Variants in ANK2 observed in about 807,000 individuals in gnomAD.
ANK2 encodes ankyrin 2, also known as ankyrin-2.
A neutral mutation model predicts 360.5 loss-of-function variants in ANK2; 83 were observed. The ratio of observed to expected loss-of-function variants is 0.23; its 90% CI spans 0.19 to 0.28. The LOEUF (loss-of-function observed/expected upper bound fraction) is 0.28. Among genes scored for constraint, ANK2 ranks in the 10% least tolerant of loss-of-function variants. The pLI is 1.00. For synonymous variants in ANK2, 1,740 were observed against 1,759.5 expected (o/e 0.99, Z 0.28); for missense variants, 4,201 against 4,795.7 (o/e 0.88, Z 3.66).
chr4:113,375,325 A>G (rs2096886853), intron 45 of ANK2, among the ~76,000 whole-genome samples: 2 of 152,228 alleles, frequency 1.3e-5, no homozygotes, highest in African/African-American at 2.4e-5. Context: ...AGTCTTTTCA[A>G]ATATAATCTG....
At chr4:112,706,403 C>A in the ANK2 span, among the ~76,000 whole-genome samples, 2 of 152,172 alleles carry the variant, frequency 1.3e-5, no homozygotes, top group Non-Finnish European at 2.9e-5. Context: ...CACACACAGA[C>A]ACACATACAG....
chr4:112,728,850 C>T, the ANK2 span, among the ~76,000 whole-genome samples: 2 of 152,120 alleles, frequency 1.3e-5, no homozygotes, highest in African/African-American at 4.8e-5. Flanking sequence ...TTTAAAATAA[C>T]AACTGTTGGT....
intron 1 of ANK2, chr4:113,107,012 C>T (rs13134980): frequency 0.47 from 227,023 of 478,782 alleles, 54,967 homozygotes; most frequent in Admixed American, 0.59. Flanking sequence ...GGTGATTGTT[C>T]TTTGTTGTGT....
intron 1 of ANK2, among the ~76,000 whole-genome samples, chr4:112,884,084 C>T (rs1453733245): frequency 1.3e-5 from 2 of 151,930 alleles, no homozygotes; most frequent in Non-Finnish European, 2.9e-5. Context: ...TCAATCAATA[C>T]TTTTGATAAG....
At chr4:112,744,549 G>A in the ANK2 span, among the ~76,000 whole-genome samples, 1 of 151,212 alleles carries the variant, frequency 6.6e-6, no homozygotes, top group African/African-American at 2.4e-5. Context: ...GGGGTTTTAC[G>A]ATGTTGGCCA....
chr4:113,166,693 T>G (rs577194399), intron 1 of ANK2, among the ~76,000 whole-genome samples: 9 of 152,118 alleles, frequency 5.9e-5, no homozygotes, highest in African/African-American at 2.2e-4. Flanking sequence ...GAAAAGTAAA[T>G]GCCATAAAAA....
intron 1 of ANK2, among the ~76,000 whole-genome samples, chr4:112,876,480 C>CA (rs745846289): frequency 6.1e-5 from 9 of 148,732 alleles, no homozygotes; most frequent in Middle Eastern, 3.4e-3. Flanking sequence ...ATGGAAAAAG[C>CA]AAAAAAAAAG....
At chr4:112,883,018 C>CTT (rs536262490) in intron 1 of ANK2, among the ~76,000 whole-genome samples, 2 of 30,500 alleles carry the variant, frequency 6.6e-5, no homozygotes, top group Admixed American at 5.6e-4. Flanking sequence ...CTTGGTTAGT[C>CTT]TTTTTTTTTT....
intron 2 of ANK2, among the ~76,000 whole-genome samples, chr4:113,031,769 TCTC>T (rs2060464088): frequency 6.6e-6 from 1 of 151,934 alleles, no homozygotes; most frequent in Non-Finnish European, 1.5e-5. Flanking sequence ...GAACACCTCT[TCTC>T]CTATTATTTA....
chr4:113,071,083 C>T (rs1205593583), intron 1 of ANK2, among the ~76,000 whole-genome samples: 1 of 152,138 alleles, frequency 6.6e-6, no homozygotes, highest in East Asian at 1.9e-4. Context: ...AGTCTGGGTT[C>T]ATTTTAAATT....
chr4:112,742,271 CAAAATAAAATACT>C, the ANK2 span, among the ~76,000 whole-genome samples: 2 of 152,014 alleles, frequency 1.3e-5, no homozygotes, highest in Non-Finnish European at 2.9e-5. Flanking sequence ...TGTCTCAGAA[CAAAATAAAATACT>C]AAAATAAAAT....
chr4:112,970,283 T>G (rs1228228622), intron 2 of ANK2, among the ~76,000 whole-genome samples: 1 of 152,094 alleles, frequency 6.6e-6, no homozygotes, highest in Admixed American at 6.6e-5. Flanking sequence ...CATATAAATT[T>G]AAGAGTAACA....
intron 2 of ANK2, among the ~76,000 whole-genome samples, chr4:112,974,023 T>A (rs972240931): frequency 3.3e-5 from 5 of 152,210 alleles, no homozygotes; most frequent in Non-Finnish European, 7.3e-5. Flanking sequence ...ACACATAAAT[T>A]GTTTGCAGCA....
intron 39 of ANK2, 121 bp downstream of exon 39, chr4:113,361,018 A>G (rs1190265263): frequency 1.1e-6 from 1 of 921,176 alleles, no homozygotes; most frequent in African/African-American, 1.6e-5. Flanking sequence ...AAAGAAGAAT[A>G]AACTAAGAAC....
chr4:112,834,297 C>T (rs2060517998), intron 1 of ANK2, among the ~76,000 whole-genome samples: 1 of 152,090 alleles, frequency 6.6e-6, no homozygotes, highest in Non-Finnish European at 1.5e-5. Flanking sequence ...AGAGAAGCAT[C>T]TTGAAATATT....
At chr4:112,776,767 AT>A in the ANK2 span, among the ~76,000 whole-genome samples, 1 of 152,248 alleles carries the variant, frequency 6.6e-6, no homozygotes, top group Non-Finnish European at 1.5e-5. Flanking sequence ...TTAAGTAGGC[AT>A]CTATCAGGGA....
intron 2 of ANK2, among the ~76,000 whole-genome samples, chr4:113,017,904 T>G (rs182664803): frequency 6.6e-6 from 1 of 152,318 alleles, no homozygotes; most frequent in Non-Finnish European, 1.5e-5. Context: ...TCCTCTGATA[T>G]TGAAAACATT....
chr4:112,938,418 A>G (rs1236240114), intron 2 of ANK2, among the ~76,000 whole-genome samples: 2 of 152,156 alleles, frequency 1.3e-5, no homozygotes, highest in South Asian at 2.1e-4. Context: ...ATCTACCGCT[A>G]TATGTGTTGG....
Position 113,074,272 on chromosome 4 carries a change from A to C in ANK2, c.84+24460A>C, listed in dbSNP as rs954376316. Among the ~76,000 whole-genome samples, 5 of 152,174 alleles carry C rather than the reference A, an allele frequency of 3.3e-5. No individual in the cohort carries two copies. The East Asian group carries it at 9.6e-4, about 29-fold the overall frequency. ...AAGACCCTTATTAAATATTGATTGA[A>C]CTGAAATGAGCCCTGGGGGAACCTA... On this transcript the variant is annotated intron_variant, in intron 1 of 45. Transcript: ENST00000357077.
Sources: gnomAD v4.1 joint callset for allele counts (sites outside exome capture counted in the v4.1 genomes callset) on GRCh38, gnomAD v4.1.1 for gene constraint, MANE v1.5 for transcripts, NCBI Gene and HGNC (gene_info 2026-07-23, HGNC 2026-07-21) for gene names.